The following CACNG4 variants were observed in gnomAD, a reference collection of about 807,000 sequenced individuals.
CACNG4 encodes the protein voltage-dependent calcium channel gamma-4 subunit.
CACNG4 carries 8 observed loss-of-function variants against 22.9 expected under a neutral mutation model. That is an observed-to-expected ratio of 0.35 (90% CI 0.21 to 0.63). The LOEUF (loss-of-function observed/expected upper bound fraction) is 0.63, where lower values mean the gene tolerates loss of function less well. Ranked by LOEUF, CACNG4 falls within the 30% of genes least tolerant of loss-of-function variation. The probability of loss-of-function intolerance (pLI) is 0.72; values close to 1 mark genes in which losing one functional copy is unlikely to be tolerated. For missense variants in CACNG4, 357 were observed against 455.4 expected (o/e 0.78, Z 1.97); for synonymous variants, 188 against 191.9 (o/e 0.98, Z 0.17).
rs1238092981 is a variant in CACNG4 at position 66,964,932 on chromosome 17, G to A, written c.21G>A (p.Gly7=). 5.7e-6 allele frequency: 9 copies of A among 1,585,730 alleles called. No individual in the cohort carries two copies. Among genetic ancestry groups the A allele is most frequent in the South Asian group, 1.1e-5 (1 of 88,204 alleles). ...CCACCATGGTGCGATGCGACCGCGGGCTGCAGATGCTGCTGACCACGGCCG... is the reference window on the plus strand; with the variant it reads ...CCACCATGGTGCGATGCGACCGCGGACTGCAGATGCTGCTGACCACGGCCG... MVRCDR[G]LQMLLTTAGA... Residue 7 remains glycine, a synonymous_variant, in exon 1 of 4, where the codon GGG becomes GGA. Coordinates refer to ENST00000262138, the MANE Select transcript of CACNG4 (RefSeq NM_014405.4).
chr17:67,024,449 G>A (rs996278393), intron 2 of CACNG4, among the ~76,000 whole-genome samples: 3 of 152,202 alleles, frequency 2.0e-5, no homozygotes, highest in Non-Finnish European at 4.4e-5. Context: ...ACTGACCAGG[G>A]CCACCCTTTG....
At chr17:67,017,810 C>T (rs1303151349) in intron 1 of CACNG4, among the ~76,000 whole-genome samples, 1 of 152,120 alleles carries the variant, frequency 6.6e-6, no homozygotes, top group African/African-American at 2.4e-5. Flanking sequence ...GCCACCGTGC[C>T]CAGCCTGTTT....
At chr17:66,997,247 G>A (rs2035380861) in intron 1 of CACNG4, among the ~76,000 whole-genome samples, 1 of 149,850 alleles carries the variant, frequency 6.7e-6, no homozygotes, top group South Asian at 2.1e-4. Flanking sequence ...TGGATAAGAG[G>A]GGTGGATTTG....
chr17:67,007,397 A>T (rs1313936097), intron 1 of CACNG4, among the ~76,000 whole-genome samples: 2 of 152,230 alleles, frequency 1.3e-5, no homozygotes, highest in Admixed American at 1.3e-4. Flanking sequence ...TCTAGTCTAA[A>T]GACATCTCCG....
intron 3 of CACNG4, among the ~76,000 whole-genome samples, chr17:67,028,521 C>G (rs983672189): frequency 9.2e-5 from 14 of 151,986 alleles, no homozygotes; most frequent in Non-Finnish European, 1.9e-4. Context: ...CCACTGCACT[C>G]CAGCCTGGGG....
chr17:66,987,954 T>G (rs1351774149), intron 1 of CACNG4, among the ~76,000 whole-genome samples: 1 of 151,984 alleles, frequency 6.6e-6, no homozygotes, highest in Non-Finnish European at 1.5e-5. Context: ...GGTCCCAGTG[T>G]GTGCATACTC....
At chr17:67,029,838 T>G (rs2035590946) in intron 3 of CACNG4, among the ~76,000 whole-genome samples, 1 of 152,190 alleles carries the variant, frequency 6.6e-6, no homozygotes, top group African/African-American at 2.4e-5. Context: ...CAAAAATGTA[T>G]TTTAAGTGTT....
chr17:66,965,160 CCACACA>C (rs55909537), intron 1 of CACNG4, 29 bp downstream of exon 1: 150 of 845,982 alleles, frequency 1.8e-4, no homozygotes, highest in Non-Finnish European at 2.3e-4. Context: ...CCTCGCCGCC[CCACACA>C]CACACACACA....
Position 67,032,657 on chromosome 17 carries a change from G to T in CACNG4, c.*1653G>T, listed in dbSNP as rs577942201. The T allele has an allele frequency of 6.5e-6, 1 of 154,820 alleles. No individual in the cohort carries two copies. Among genetic ancestry groups the T allele is most frequent in the Non-Finnish European group, 1.4e-5 (1 of 69,752 alleles). 9.6% of individuals were successfully genotyped at this position (154,820 alleles called of 1,614,324 possible). A position where few individuals can be genotyped will look rare whatever the true frequency, so the allele number is the denominator to read the frequency against. The stretch of plus-strand genomic sequence containing the variant: ...CCCAGCTGACTGTCGCCGTGTGCTG[G>T]GGATCTGAAATGAGGCCTGCCAGGG... On this transcript the variant is annotated 3_prime_UTR_variant, in exon 4 of 4. Coordinates refer to ENST00000262138, the MANE Select transcript of CACNG4 (RefSeq NM_014405.4).
At position 66,965,160 on chromosome 17, in the gene CACNG4, C is replaced by CCACA. The variant is rs55909537; in HGVS notation, c.220+52_220+55dup. 4,066 of 845,748 alleles carry CCACA rather than the reference C, an allele frequency of 4.8e-3. 79 individuals are homozygous for CCACA. The African/African-American group carries it at 0.063, about 13-fold the overall frequency. The allele number at this position is 845,748 out of a possible 1,614,324, so 52.4% of individuals were successfully genotyped here. A position where few individuals can be genotyped will look rare whatever the true frequency, so the allele number is the denominator to read the frequency against. On this transcript the variant is annotated intron_variant, in intron 1 of 3. Transcript: ENST00000262138. Reference sequence around the variant, plus strand: ...CGGCCAGCCCCGACCCCTCGCCGCCCCACACACACACACACACACACACAC... The same window carrying CCACA: ...CGGCCAGCCCCGACCCCTCGCCGCCCCACACACACACACACACACACACACACAC...
chr17:66,989,859 G>C (rs748085604), intron 1 of CACNG4, among the ~76,000 whole-genome samples: 6 of 146,276 alleles, frequency 4.1e-5, no homozygotes, highest in Admixed American at 6.8e-5. Flanking sequence ...CTGAGTCTCG[G>C]ATGAAACACT....
chr17:67,004,614 T>G (rs1402088252), intron 1 of CACNG4, among the ~76,000 whole-genome samples: 2 of 152,184 alleles, frequency 1.3e-5, no homozygotes, highest in Non-Finnish European at 2.9e-5. Context: ...TTTGGAGCCC[T>G]GGAAAAACAG....
At chr17:67,025,712 G>A (rs1315094124) in intron 3 of CACNG4, among the ~76,000 whole-genome samples, 1 of 152,280 alleles carries the variant, frequency 6.6e-6, no homozygotes, top group Non-Finnish European at 1.5e-5. Flanking sequence ...CTTGGCTGAA[G>A]ATGGGCAGGC....
In CACNG4 at chr17:67,030,778, C is replaced by T. The variant is rs1230291904; in HGVS notation, c.758C>T (p.Ser253Leu). 1 of 1,614,184 alleles carries T rather than the reference C, an allele frequency of 6.2e-7. No homozygotes were observed. Among genetic ancestry groups the T allele is most frequent in the Non-Finnish European group, 8.5e-7 (1 of 1,180,034 alleles). Residue 253 changes from serine to leucine, a missense_variant, in exon 4 of 4, where the codon TCG becomes TTG. Ser to Leu is a moderately radical substitution (Grantham distance 145, BLOSUM62 -2). This residue lies in a region of CACNG4 where 240 missense variants were observed against 277.6 expected (regional missense o/e 0.86). Coordinates refer to ENST00000262138, the MANE Select transcript of CACNG4 (RefSeq NM_014405.4). The surrounding 1 kb of genome is among the most constrained non-coding windows in gnomAD (Gnocchi z 6.4). ...TCCAGCTCAAGGTCCACCGAGGCCT[C>T]GCCCTCCAGGGACGTGTCGCCCATG... is the stretch of plus-strand genomic sequence containing the variant. ...SRSSSRSTEA[S>L]PSRDVSPMGL...
chr17:66,999,655 G>A (rs1567754820), intron 1 of CACNG4, among the ~76,000 whole-genome samples: 1 of 152,046 alleles, frequency 6.6e-6, no homozygotes, highest in Admixed American at 6.6e-5. Flanking sequence ...CACCACGGGG[G>A]GAAACTGCCC....
At chr17:66,971,023 G>T (rs2035200949) in intron 1 of CACNG4, among the ~76,000 whole-genome samples, 1 of 152,226 alleles carries the variant, frequency 6.6e-6, no homozygotes, top group Admixed American at 6.5e-5. Context: ...AGTGTCAGAG[G>T]CGAGGAAGCC....
rs2035603282 is a variant in CACNG4 at position 67,031,121 on chromosome 17, C to T, written c.*117C>T. The T allele has an allele frequency of 2.6e-6, 3 of 1,176,192 alleles. No homozygotes were observed. The East Asian group carries it at 7.2e-5, about 28-fold the overall frequency. 72.9% of individuals were successfully genotyped at this position (1,176,192 alleles called of 1,614,324 possible). A position where few individuals can be genotyped will look rare whatever the true frequency, so the allele number is the denominator to read the frequency against. On this transcript the variant is annotated 3_prime_UTR_variant, in exon 4 of 4. Transcript: ENST00000262138. This position sits in a 1 kb window ranked among gnomAD's most constrained non-coding sequence, Gnocchi z 4.0. ...TGAACTAAAGCCAAATGCAGCCCTC[C>T]CTGGCCTCCAGAGGTGGCGTGGGCT...
intron 1 of CACNG4, among the ~76,000 whole-genome samples, chr17:66,966,430 C>T (rs1016142450): frequency 6.6e-6 from 1 of 152,184 alleles, no homozygotes; most frequent in Admixed American, 6.5e-5. Context: ...TTCTCCCACA[C>T]ACCTAGCCTT....
At chr17:67,002,376 G>A (rs1023181511) in intron 1 of CACNG4, among the ~76,000 whole-genome samples, 2 of 152,222 alleles carry the variant, frequency 1.3e-5, no homozygotes, top group African/African-American at 4.8e-5. Flanking sequence ...AATTCAAGAT[G>A]AGATTTGCGT....
Sources: allele counts gnomAD v4.1 joint callset (sites outside exome capture counted in the v4.1 genomes callset), GRCh38; gene constraint gnomAD v4.1.1; regional missense constraint gnomAD v4.1.1; non-coding constraint Gnocchi (gnomAD v3.1); transcripts MANE v1.5; gene names NCBI Gene and HGNC (gene_info 2026-07-23, HGNC 2026-07-21).